The following TBCD variants were observed in gnomAD, a reference collection of about 807,000 sequenced individuals.
The protein encoded by TBCD is tubulin folding cofactor D.
In TBCD, 105 loss-of-function variants were observed where a neutral mutation model predicts 169.3. The ratio of observed to expected loss-of-function variants is 0.62; its 90% CI spans 0.53 to 0.73. TBCD has a LOEUF of 0.73. Among genes scored for constraint, TBCD ranks in the 30% least tolerant of loss-of-function variants. TBCD has a pLI of 0.00. For synonymous variants in TBCD, 700 were observed against 643.9 expected, an observed-to-expected ratio of 1.09 and a Z score of -1.32; for missense variants, 1,444 against 1,600.1, an observed-to-expected ratio of 0.90 and a Z score of 1.66.
intron 14 of TBCD, among the ~76,000 whole-genome samples, chr17:82,879,979 CA>C (rs950218576): frequency 1.3e-5 from 2 of 151,984 alleles, no homozygotes; most frequent in South Asian, 2.1e-4. Context: ...TCTGGAGGCT[CA>C]GGGGGGCTCA....
chr17:82,909,658 G>T (rs1477693833), intron 22 of TBCD, among the ~76,000 whole-genome samples: 1 of 148,410 alleles, frequency 6.7e-6, no homozygotes, highest in Non-Finnish European at 1.5e-5. Context: ...GCTGTGGGAG[G>T]CGCGTGAGGG....
intron 34 of TBCD, among the ~76,000 whole-genome samples, chr17:82,935,779 C>T (rs560236017): frequency 6.6e-6 from 1 of 152,162 alleles, no homozygotes; most frequent in Non-Finnish European, 1.5e-5. Context: ...GTGTAATTTG[C>T]GTTACTTTGA....
rs1555656515 is a variant in TBCD, at chr17:82,922,374, AAAAACAAAAAC to A, written c.2178+802_2178+812del. On this transcript the variant is annotated intron_variant, in intron 25 of 38. Coordinates refer to ENST00000355528, the MANE Select transcript of TBCD (RefSeq NM_005993.5). The surrounding 1 kb of genome is among the most constrained non-coding windows in gnomAD (Gnocchi z 4.1). ...AAGACCCTGCCTCAAAAACAAAAAC[AAAAACAAAAAC>A]AAAAAAAACCATGGTTACCAACGTT... Among the ~76,000 whole-genome samples the A allele has an allele frequency of 4.6e-5, 7 of 151,808 alleles. No homozygotes were observed. The highest frequency in any genetic ancestry group is 5.9e-5 in the Non-Finnish European group (4 of 67,956).
chr17:82,856,333 C>T (rs78164170), intron 13 of TBCD, among the ~76,000 whole-genome samples: 16,160 of 151,568 alleles, frequency 0.11, 1,152 homozygotes, highest in South Asian at 0.28. Context: ...GGGCCAGTAA[C>T]AGTGGCTTAA....
chr17:82,783,604 GAC>G (rs2049099047), intron 7 of TBCD, among the ~76,000 whole-genome samples: 1 of 152,186 alleles, frequency 6.6e-6, no homozygotes, highest in African/African-American at 2.4e-5. Flanking sequence ...AGTCGTACAC[GAC>G]ACAGCCTTTT....
At chr17:82,879,572 C>T (rs555122065) in intron 14 of TBCD, among the ~76,000 whole-genome samples, 13 of 152,258 alleles carry the variant, frequency 8.5e-5, no homozygotes, top group African/African-American at 2.2e-4. Flanking sequence ...ACAAGTCTGC[C>T]GGTTCCCTCT....
chr17:82,879,986 G>C (rs551747379), intron 14 of TBCD, among the ~76,000 whole-genome samples: 1 of 152,158 alleles, frequency 6.6e-6, no homozygotes, highest in Non-Finnish European at 1.5e-5. Context: ...GCTCAGGGGG[G>C]CTCAAGGGAA....
At chr17:82,823,327 G>C (rs542232172) in intron 13 of TBCD, among the ~76,000 whole-genome samples, 45 of 152,368 alleles carry the variant, frequency 3.0e-4, no homozygotes, top group Middle Eastern at 3.4e-3. Flanking sequence ...AGCACGTCCT[G>C]ACATGGCCCC....
chr17:82,782,756 A>G lies in TBCD; in HGVS notation c.771+1035A>G, dbSNP rs143540734. ...GCAGCATCGTCTTCCTATCCGCGGC[A>G]TTGTCTTCCTATCCGCGGCGTTGTC... On this transcript the variant is annotated intron_variant, in intron 7 of 38. Coordinates refer to ENST00000355528, the MANE Select transcript of TBCD (RefSeq NM_005993.5). This position sits in a 1 kb window ranked among gnomAD's most constrained non-coding sequence, Gnocchi z 5.1. 1.5e-5 allele frequency among the ~76,000 whole-genome samples: 2 copies of G among 137,374 alleles called. No homozygotes were observed. Among genetic ancestry groups the G allele is most frequent in the African/African-American group, 6.2e-5 (2 of 32,498 alleles). 90.1% of individuals were successfully genotyped at this position (137,374 alleles called of 152,430 possible).
At chr17:82,881,382 A>G (rs1453033930) in intron 14 of TBCD, among the ~76,000 whole-genome samples, 1 of 152,228 alleles carries the variant, frequency 6.6e-6, no homozygotes, top group East Asian at 1.9e-4. Flanking sequence ...GCCGCCGATG[A>G]GGGGTGCAGA....
Position 82,941,439 on chromosome 17 carries a change from CTGTG to C in TBCD, c.3523_3526del (p.Cys1175ThrfsTer105). 1.9e-6 allele frequency: 3 copies of C among 1,603,420 alleles called. No individual in the cohort carries two copies. The highest frequency in any genetic ancestry group is 2.5e-6 in the Non-Finnish European group (3 of 1,177,004). ...AGTGGTGAGAGAGCAGCGCAACCGT[CTGTG>C]TGACCTTCTGGGCGTACCCAGGCCC... On this transcript the variant is annotated frameshift_variant, in exon 38 of 39. Coordinates refer to ENST00000355528, the MANE Select transcript of TBCD (RefSeq NM_005993.5). LOFTEE classifies it high-confidence loss of function.
In TBCD at chr17:82,944,310, T is replaced by A. The variant is rs2063526118; in HGVS notation, c.*1847T>A. On this transcript the variant is annotated 3_prime_UTR_variant, in exon 39 of 39. Coordinates refer to ENST00000355528, the MANE Select transcript of TBCD (RefSeq NM_005993.5). ...CCATCCATCACTGGGGCACTTGTGC[T>A]CACCAGACACCTGGTGGCCTGGAAA... The A allele has an allele frequency of 6.6e-6, 1 of 152,178 alleles. No homozygotes were observed. The allele number at this position is 152,178 out of a possible 1,614,324, so 9.4% of individuals were successfully genotyped here.
chr17:82,848,668 A>G (rs1164507340), intron 13 of TBCD, among the ~76,000 whole-genome samples: 1 of 152,202 alleles, frequency 6.6e-6, no homozygotes, highest in Admixed American at 6.5e-5. Context: ...TAGCACTCAG[A>G]TCTTCTTTTT....
intron 13 of TBCD, among the ~76,000 whole-genome samples, chr17:82,843,368 T>C (rs2054707871): frequency 8.4e-6 from 1 of 119,296 alleles, no homozygotes; most frequent in Admixed American, 9.4e-5. Flanking sequence ...CCCCTCGCCG[T>C]CCAGCTTACT....
chr17:82,839,310 A>G (rs2054258996), intron 13 of TBCD, among the ~76,000 whole-genome samples: 1 of 152,176 alleles, frequency 6.6e-6, no homozygotes, highest in South Asian at 2.1e-4. Flanking sequence ...TACCACACAT[A>G]TATAACCCTA....
At position 82,923,763 on chromosome 17, in the gene TBCD, C is replaced by A; in HGVS notation, c.2260+30C>A. 2 of 1,547,088 alleles carry A rather than the reference C, an allele frequency of 1.3e-6. No homozygotes were observed. Among genetic ancestry groups the A allele is most frequent in the African/African-American group, 2.7e-5 (2 of 72,862 alleles). On this transcript the variant is annotated intron_variant, in intron 26 of 38. Transcript: ENST00000355528. The surrounding 1 kb of genome is among the most constrained non-coding windows in gnomAD (Gnocchi z 4.6). The stretch of plus-strand genomic sequence containing the variant: ...GTGGGGAGCCCTTTTCTTGAAGACT[C>A]CAGGGGCTTCCAGCAGGAAGCTGCT...
intron 13 of TBCD, among the ~76,000 whole-genome samples, chr17:82,843,080 G>A (rs535112521): frequency 1.4e-4 from 22 of 152,140 alleles, no homozygotes; most frequent in East Asian, 3.9e-4. Context: ...ACACCCGGCC[G>A]CAAGTGTTCT....
chr17:82,895,314 C>G (rs1246302651), intron 17 of TBCD, among the ~76,000 whole-genome samples: 1 of 152,176 alleles, frequency 6.6e-6, no homozygotes, highest in Admixed American at 6.5e-5. Context: ...CGCGGGGCCC[C>G]CCTGCACCCG....
chr17:82,909,642 C>T (rs112212676), intron 22 of TBCD, among the ~76,000 whole-genome samples: 10 of 144,574 alleles, frequency 6.9e-5, no homozygotes, highest in Non-Finnish European at 1.0e-4. Flanking sequence ...GGGTGTCACC[C>T]GGCCCGCTGT....
Sources: allele counts gnomAD v4.1 joint callset (sites outside exome capture counted in the v4.1 genomes callset), GRCh38; gene constraint gnomAD v4.1.1; non-coding constraint Gnocchi (gnomAD v3.1); transcripts MANE v1.5; gene names NCBI Gene and HGNC (gene_info 2026-07-23, HGNC 2026-07-21).